TSPAN18: variants seen among roughly 807,000 people sequenced by gnomAD.
TSPAN18 encodes tetraspanin 18.
In TSPAN18, 14 loss-of-function variants were observed where a neutral mutation model predicts 27.3. The observed-to-expected ratio is 0.51, with a 90% CI of 0.34 to 0.80. TSPAN18 has a LOEUF of 0.80. Ranked by LOEUF, TSPAN18 falls within the 30% of genes least tolerant of loss-of-function variation. TSPAN18 has a pLI of 0.01. For missense variants in TSPAN18, 268 were observed against 323.9 expected (o/e 0.83, Z 1.32); for synonymous variants, 143 against 136.5 (o/e 1.05, Z -0.33).
chr11:44,861,690 G>T (rs1222797395), intron 3 of TSPAN18, among the ~76,000 whole-genome samples: 2 of 151,664 alleles, frequency 1.3e-5, no homozygotes, highest in Non-Finnish European at 2.9e-5. Flanking sequence ...CCAGGTGGTC[G>T]CATGTGTCCC....
intron 7 of TSPAN18, 66 bp downstream of exon 7, chr11:44,919,378 G>T (rs114791763): frequency 6.7e-6 from 9 of 1,348,804 alleles, no homozygotes; most frequent in Middle Eastern, 1.8e-4. Flanking sequence ...ACATGCCCAC[G>T]CCAGGCATCA....
intron 2 of TSPAN18, among the ~76,000 whole-genome samples, chr11:44,771,810 A>T (rs1855695765): frequency 6.6e-6 from 1 of 152,240 alleles, no homozygotes. Flanking sequence ...ATTCCATTTT[A>T]TATCAGGGAC....
At chr11:44,867,425 G>T (rs1858070181) in intron 3 of TSPAN18, among the ~76,000 whole-genome samples, 2 of 109,434 alleles carry the variant, frequency 1.8e-5, no homozygotes, top group Non-Finnish European at 3.5e-5. Context: ...TTCAGACAGA[G>T]TCTCGCTCTG....
At chr11:44,913,848 C>T (rs980727866) in intron 5 of TSPAN18, among the ~76,000 whole-genome samples, 1 of 152,242 alleles carries the variant, frequency 6.6e-6, no homozygotes, top group African/African-American at 2.4e-5. Context: ...CTGGGAAAGG[C>T]CTTGATGAGG....
chr11:44,924,799 G>A (rs953119749), intron 8 of TSPAN18, among the ~76,000 whole-genome samples: 1 of 152,204 alleles, frequency 6.6e-6, no homozygotes, highest in East Asian at 1.9e-4. Context: ...TGTAAATGAC[G>A]AGTTAATGGG....
intron 2 of TSPAN18, among the ~76,000 whole-genome samples, chr11:44,791,271 C>T (rs975470888): frequency 6.6e-6 from 1 of 152,224 alleles, no homozygotes; most frequent in Non-Finnish European, 1.5e-5. Context: ...CTCCAGCACA[C>T]ACCTAGGGTG....
chr11:44,859,580 CT>C (rs1857823388), intron 2 of TSPAN18: 1 of 152,232 alleles, frequency 6.6e-6, no homozygotes, highest in Non-Finnish European at 1.5e-5. Flanking sequence ...GGGCAACCTC[CT>C]GTTCTTTGTC....
At chr11:44,773,820 T>C (rs1390514585) in intron 2 of TSPAN18, among the ~76,000 whole-genome samples, 1 of 152,172 alleles carries the variant, frequency 6.6e-6, no homozygotes, top group African/African-American at 2.4e-5. Context: ...CTGGGAACCC[T>C]GGGTCAATAA....
chr11:44,786,870 G>A (rs1160851810), intron 2 of TSPAN18, among the ~76,000 whole-genome samples: 1 of 152,030 alleles, frequency 6.6e-6, no homozygotes, highest in African/African-American at 2.4e-5. Flanking sequence ...GACCTCAAGT[G>A]ATCTGCCCAC....
chr11:44,763,119 G>C (rs114528195), intron 1 of TSPAN18, among the ~76,000 whole-genome samples: 1 of 152,134 alleles, frequency 6.6e-6, no homozygotes, highest in African/African-American at 2.4e-5. Flanking sequence ...CTTTCTCCTG[G>C]GGTTGTAAGG....
intron 2 of TSPAN18, among the ~76,000 whole-genome samples, chr11:44,812,316 G>A (rs1182999433): frequency 6.6e-6 from 1 of 152,218 alleles, no homozygotes; most frequent in Non-Finnish European, 1.5e-5. Flanking sequence ...AGCTTGTAAT[G>A]TGCTCAGCGA....
intron 2 of TSPAN18, among the ~76,000 whole-genome samples, chr11:44,859,371 C>T (rs933137118): frequency 1.3e-5 from 2 of 152,204 alleles, no homozygotes; most frequent in African/African-American, 4.8e-5. Context: ...CCAAATGCTC[C>T]TCTGTGGGCT....
chr11:44,867,915 C>G (rs1481475482), intron 3 of TSPAN18, among the ~76,000 whole-genome samples: 1 of 152,150 alleles, frequency 6.6e-6, no homozygotes, highest in Non-Finnish European at 1.5e-5. Flanking sequence ...TTGGGCTTTT[C>G]CCCAGGAGCA....
At chr11:44,845,573 A>C (rs757327687) in intron 2 of TSPAN18, among the ~76,000 whole-genome samples, 18 of 152,220 alleles carry the variant, frequency 1.2e-4, no homozygotes, top group Non-Finnish European at 2.5e-4. Flanking sequence ...GAGCCTTCAC[A>C]TAGGAGGCAA....
At chr11:44,920,423 C>T (rs772822760) in intron 8 of TSPAN18, among the ~76,000 whole-genome samples, 20 of 152,104 alleles carry the variant, frequency 1.3e-4, no homozygotes, top group Non-Finnish European at 2.4e-4. Flanking sequence ...CCTAAGGGAG[C>T]AAGGTCTCCT....
chr11:44,866,515 G>A (rs890308681), intron 3 of TSPAN18, among the ~76,000 whole-genome samples: 1 of 152,184 alleles, frequency 6.6e-6, no homozygotes, highest in Non-Finnish European at 1.5e-5. Flanking sequence ...TGCTAGCCAG[G>A]GCACAGCTGT....
intron 2 of TSPAN18, among the ~76,000 whole-genome samples, chr11:44,824,669 C>T (rs770548562): frequency 1.2e-4 from 19 of 152,192 alleles, no homozygotes; most frequent in Non-Finnish European, 2.5e-4. Flanking sequence ...TTCCAGAGGC[C>T]GGCTCCTCAC....
chr11:44,841,949 G>A (rs970990802), intron 2 of TSPAN18, among the ~76,000 whole-genome samples: 5 of 152,252 alleles, frequency 3.3e-5, no homozygotes, highest in African/African-American at 1.2e-4. Flanking sequence ...TGAGCCGTCT[G>A]TAAGCTCATC....
chr11:44,908,774 A>AGAAAGGAAAG (rs1564992567), intron 4 of TSPAN18, among the ~76,000 whole-genome samples: 4 of 92,636 alleles, frequency 4.3e-5, no homozygotes, highest in South Asian at 8.3e-4. Context: ...GAAAGGAGAA[A>AGAAAGGAAAG]GAAAGAAAGA....
Sources: gnomAD v4.1 joint callset for allele counts (sites outside exome capture counted in the v4.1 genomes callset) on GRCh38, gnomAD v4.1.1 for gene constraint, MANE v1.5 for transcripts, NCBI Gene and HGNC (gene_info 2026-07-23, HGNC 2026-07-21) for gene names.